PRKN: variants seen among roughly 807,000 people sequenced by gnomAD.
PRKN encodes the protein parkin RBR E3 ubiquitin protein ligase.
Under a neutral mutation model 59.5 loss-of-function variants are expected in PRKN, and 56 were observed. The ratio of observed to expected loss-of-function variants is 0.94; its 90% CI spans 0.76 to 1.18. The LOEUF (loss-of-function observed/expected upper bound fraction) is 1.18. Ranked by LOEUF, PRKN falls within the 50% of genes most tolerant of loss-of-function variation. The pLI is 0.00. For missense variants in PRKN, 657 were observed against 596.4 expected (o/e 1.10, Z -1.06); for synonymous variants, 250 against 222.1 (o/e 1.13, Z -1.12).
chr6:162,687,996 T>G (rs541481896), intron 1 of PRKN, among the ~76,000 whole-genome samples: 45 of 152,316 alleles, frequency 3.0e-4, no homozygotes, highest in Admixed American at 2.6e-4. Flanking sequence ...ATGGTAATGA[T>G]TCTGACAATT....
chr6:161,993,775 G>C (rs1042123075), intron 5 of PRKN, among the ~76,000 whole-genome samples: 1 of 152,160 alleles, frequency 6.6e-6, no homozygotes. Context: ...AAGAAGCACT[G>C]AGCCAGCACC....
At position 161,800,162 on chromosome 6, in the gene PRKN, A is replaced by G. The variant is rs118035710; in HGVS notation, c.735-14254T>C. Among the ~76,000 whole-genome samples the G allele has an allele frequency of 1.0e-3, 152 of 152,274 alleles. 2 individuals carry two copies. The East Asian group carries it at 0.027, about 27-fold the overall frequency. The stretch of plus-strand genomic sequence containing the variant: ...GGAGCAGGGCTACAAAGGAAGGGAG[A>G]TGCATGGACATGGTGAAAGCCATCC... On this transcript the variant is annotated intron_variant, in intron 6 of 11. Coordinates refer to ENST00000366898, the MANE Select transcript of PRKN (RefSeq NM_004562.3).
intron 6 of PRKN, among the ~76,000 whole-genome samples, chr6:161,856,361 A>AAAATAAAGAAATAAATATAT (rs76955526): frequency 6.7e-6 from 1 of 149,352 alleles, no homozygotes; most frequent in African/African-American, 2.5e-5. Context: ...ATGCCATCTC[A>AAAATAAAGAAATAAATATAT]AAATAAATAA....
chr6:161,469,859 T>C (rs1790694685), intron 9 of PRKN, among the ~76,000 whole-genome samples: 1 of 152,242 alleles, frequency 6.6e-6, no homozygotes, highest in Non-Finnish European at 1.5e-5. Flanking sequence ...CTAATACACA[T>C]ATTACTGAAC....
At chr6:161,375,570 A>C (rs1166604153) in intron 10 of PRKN, among the ~76,000 whole-genome samples, 4 of 152,120 alleles carry the variant, frequency 2.6e-5, no homozygotes, top group African/African-American at 9.7e-5. Flanking sequence ...ACACACACTC[A>C]TTTCATTATT....
chr6:162,158,674 G>T (rs571068746), intron 4 of PRKN, among the ~76,000 whole-genome samples: 32 of 151,900 alleles, frequency 2.1e-4, no homozygotes, highest in African/African-American at 7.5e-4. Flanking sequence ...GAAATGATCC[G>T]CCCGCCTTGG....
rs569831624 is a variant in PRKN at position 162,598,439 on chromosome 6, T to C, written c.7+129223A>G. On this transcript the variant is annotated intron_variant, in intron 1 of 11. Coordinates refer to ENST00000366898, the MANE Select transcript of PRKN (RefSeq NM_004562.3). ...AAAAACACAGAAAAATTGCTCCTCA[T>C]GGAGCTTACATTTTAGAGGAGCTTT... 2.3e-4 allele frequency among the ~76,000 whole-genome samples: 35 copies of C among 152,328 alleles called. 2 individuals carry two copies. The South Asian group carries it at 6.8e-3, about 30-fold the overall frequency.
intron 6 of PRKN, among the ~76,000 whole-genome samples, chr6:161,929,814 C>G (rs1348194360): frequency 6.6e-6 from 1 of 152,110 alleles, no homozygotes; most frequent in East Asian, 1.9e-4. Context: ...TGCCTGGTCT[C>G]ACGTCAATTT....
chr6:161,582,571 C>T lies in PRKN; in HGVS notation c.872-13155G>A, dbSNP rs927827436. Among the ~76,000 whole-genome samples, 40 of 151,902 alleles carry T rather than the reference C, an allele frequency of 2.6e-4. No individual in the cohort carries two copies. The highest frequency in any genetic ancestry group is 4.3e-4 in the Non-Finnish European group (29 of 67,986). On this transcript the variant is annotated intron_variant, in intron 7 of 11. Coordinates refer to ENST00000366898, the MANE Select transcript of PRKN (RefSeq NM_004562.3). The surrounding 1 kb of genome is among the most constrained non-coding windows in gnomAD (Gnocchi z 4.4). ...CCTCCCAAGCAGCTGGGACTACAGG[C>T]GCCTGCCACCTCGCCTGGCTAATTG... is the stretch of plus-strand genomic sequence containing the variant.
intron 9 of PRKN, among the ~76,000 whole-genome samples, chr6:161,495,154 C>T (rs1777700390): frequency 6.6e-6 from 1 of 152,080 alleles, no homozygotes; most frequent in Non-Finnish European, 1.5e-5. Context: ...ATCTTATATT[C>T]TTCTATGGTA....
At chr6:161,778,457 T>C (rs12208634) in intron 7 of PRKN, among the ~76,000 whole-genome samples, 1 of 151,924 alleles carries the variant, frequency 6.6e-6, no homozygotes, top group Non-Finnish European at 1.5e-5. Flanking sequence ...TGTCCTTTGA[T>C]TGCATAAATA....
intron 1 of PRKN, among the ~76,000 whole-genome samples, chr6:162,500,431 T>A: frequency 6.6e-6 from 1 of 151,690 alleles, no homozygotes; most frequent in East Asian, 1.9e-4. Context: ...CTCAGACTCC[T>A]AAAGTGCTGG....
At chr6:161,965,171 A>C (rs920852981) in intron 6 of PRKN, among the ~76,000 whole-genome samples, 1 of 152,070 alleles carries the variant, frequency 6.6e-6, no homozygotes, top group Non-Finnish European at 1.5e-5. Flanking sequence ...CCCAGGCCCA[A>C]GTAAATCTTT....
At chr6:161,915,067 C>T (rs113090558) in intron 6 of PRKN, among the ~76,000 whole-genome samples, 1,947 of 152,152 alleles carry the variant, frequency 0.013, 42 homozygotes, top group African/African-American at 0.042. Flanking sequence ...GGTGGATCAC[C>T]TGAGGTCAGG....
At chr6:161,358,501 G>C (rs1784849566) in intron 11 of PRKN, among the ~76,000 whole-genome samples, 1 of 152,060 alleles carries the variant, frequency 6.6e-6, no homozygotes, top group African/African-American at 2.4e-5. Flanking sequence ...TGTAGTCCCA[G>C]CTACTTGGGA....
chr6:161,542,347 G>T (rs531729490), intron 9 of PRKN, among the ~76,000 whole-genome samples: 1 of 152,146 alleles, frequency 6.6e-6, no homozygotes, highest in Non-Finnish European at 1.5e-5. Context: ...TCAACTCCCC[G>T]TAGCTCATCA....
At chr6:162,224,869 C>T (rs1170624897) in intron 3 of PRKN, among the ~76,000 whole-genome samples, 4 of 152,082 alleles carry the variant, frequency 2.6e-5, no homozygotes, top group African/African-American at 2.4e-5. Context: ...CAGTGCAAAG[C>T]CATTTTCTGA....
chr6:162,276,539 T>C (rs1285626511), intron 2 of PRKN, among the ~76,000 whole-genome samples: 1 of 152,210 alleles, frequency 6.6e-6, no homozygotes, highest in Non-Finnish European at 1.5e-5. Context: ...TAATTCTGTT[T>C]TATAATTATG....
intron 2 of PRKN, among the ~76,000 whole-genome samples, chr6:162,415,309 A>T (rs1481147729): frequency 7.9e-5 from 12 of 152,202 alleles, no homozygotes; most frequent in Admixed American, 7.9e-4. Context: ...CAGAAGACAC[A>T]ATGTGGCACC....
Sources: gnomAD v4.1 joint callset for allele counts (sites outside exome capture counted in the v4.1 genomes callset) on GRCh38, gnomAD v4.1.1 for gene constraint, Gnocchi (gnomAD v3.1) non-coding constraint, MANE v1.5 for transcripts, NCBI Gene and HGNC (gene_info 2026-07-23, HGNC 2026-07-21) for gene names.